Variants in ARHGAP15 observed in about 807,000 individuals in gnomAD.
ARHGAP15 encodes the protein rho GTPase-activating protein 15.
A neutral mutation model predicts 63.7 loss-of-function variants in ARHGAP15; 51 were observed. That is an observed-to-expected ratio of 0.80 (90% confidence interval 0.64 to 1.01). ARHGAP15 has a LOEUF of 1.01. ARHGAP15 is among the 50% of genes least tolerant of loss of function. The pLI, the probability that ARHGAP15 is intolerant of heterozygous loss-of-function variation, is 0.00. For synonymous variants in ARHGAP15, 191 were observed against 193.8 expected, an observed-to-expected ratio of 0.99 and a Z score of 0.12; for missense variants, 560 against 564.6, an observed-to-expected ratio of 0.99 and a Z score of 0.08.
chr2:143,275,336 A>G (rs77327764), intron 6 of ARHGAP15, among the ~76,000 whole-genome samples: 1 of 152,194 alleles, frequency 6.6e-6, no homozygotes, highest in Non-Finnish European at 1.5e-5. Context: ...TTGCCACACC[A>G]TCACGGAACT....
chr2:143,546,709 T>C (rs1472910570), intron 10 of ARHGAP15, among the ~76,000 whole-genome samples: 1 of 152,108 alleles, frequency 6.6e-6, no homozygotes, highest in Non-Finnish European at 1.5e-5. Context: ...CAAGTCATAC[T>C]ACCAAATGAA....
chr2:143,393,764 G>A (rs1321908576), intron 6 of ARHGAP15, among the ~76,000 whole-genome samples: 2 of 149,434 alleles, frequency 1.3e-5, no homozygotes, highest in African/African-American at 2.5e-5. Context: ...AGTGAAATTT[G>A]GAGGAAGGAC....
chr2:143,205,303 C>A (rs115268731), intron 3 of ARHGAP15, among the ~76,000 whole-genome samples: 1 of 146,316 alleles, frequency 6.8e-6, no homozygotes, highest in Non-Finnish European at 1.5e-5. Context: ...AATGAACAAA[C>A]AAGAAACCAC....
intron 12 of ARHGAP15, among the ~76,000 whole-genome samples, chr2:143,630,969 C>T (rs1699043205): frequency 6.6e-6 from 1 of 152,004 alleles, no homozygotes; most frequent in Non-Finnish European, 1.5e-5. Context: ...TGACAATTCT[C>T]TTTCCTTCCC....
chr2:143,246,333 T>C (rs2104962661), intron 5 of ARHGAP15, among the ~76,000 whole-genome samples: 1 of 152,060 alleles, frequency 6.6e-6, no homozygotes, highest in Admixed American at 6.5e-5. Flanking sequence ...TATTCATTTG[T>C]TTATTTGGAT....
intron 12 of ARHGAP15, among the ~76,000 whole-genome samples, chr2:143,698,828 G>C (rs1178703463): frequency 6.6e-6 from 1 of 152,098 alleles, no homozygotes; most frequent in Admixed American, 6.6e-5. Flanking sequence ...TTTTGTATAA[G>C]TCTCTTCACA....
At chr2:143,371,791 T>C (rs1360319156) in intron 6 of ARHGAP15, among the ~76,000 whole-genome samples, 1 of 152,210 alleles carries the variant, frequency 6.6e-6, no homozygotes, top group Admixed American at 6.5e-5. Context: ...TGTGTACTTC[T>C]AGTACATAAG....
chr2:143,624,179 T>C lies in ARHGAP15; in HGVS notation c.1050T>C (p.Val350=), dbSNP rs1249837520. The C allele has an allele frequency of 1.2e-6, 2 of 1,613,540 alleles. No homozygotes were observed. Among genetic ancestry groups the C allele is most frequent in the Non-Finnish European group, 1.7e-6 (2 of 1,179,766 alleles). ...LDDSQWEDIH[V]VTGALKMFFR... ...ACAGCCAGTGGGAGGACATCCACGT[T>C]GTCACCGGAGCACTGAAGATGTTTT... The change falls in exon 12 of 14, where the codon GTT becomes GTC. Residue 350 remains valine (V), a synonymous_variant. Transcript: ENST00000295095.
At chr2:143,678,923 A>G (rs938617641) in intron 12 of ARHGAP15, among the ~76,000 whole-genome samples, 1 of 152,180 alleles carries the variant, frequency 6.6e-6, no homozygotes, top group East Asian at 1.9e-4. Flanking sequence ...TACATTTTTT[A>G]GTGTTACTTA....
chr2:143,159,256 G>GA (rs1230678942), intron 2 of ARHGAP15, among the ~76,000 whole-genome samples: 1 of 151,758 alleles, frequency 6.6e-6, no homozygotes, highest in Admixed American at 6.6e-5. Context: ...TATATTATCA[G>GA]AAAAAAGAGG....
In ARHGAP15 at chr2:143,613,530, C is replaced by T. The variant is rs761566473; in HGVS notation, c.1004-10603C>T. On this transcript the variant is annotated intron_variant, in intron 11 of 13. Transcript: ENST00000295095. ...TACTAAAACACCATTGAAGTCTTAT[C>T]TCTGGTCAGATAATCCAAATGGATT... Among the ~76,000 whole-genome samples the T allele has an allele frequency of 1.4e-4, 21 of 152,174 alleles. 1 individual carries two copies. Among genetic ancestry groups the T allele is most frequent in the Non-Finnish European group, 2.6e-4 (18 of 68,032 alleles).
At chr2:143,536,659 T>A (rs896233047) in intron 10 of ARHGAP15, among the ~76,000 whole-genome samples, 4 of 152,026 alleles carry the variant, frequency 2.6e-5, no homozygotes, top group Admixed American at 6.6e-5. Context: ...TTGCTGAGAA[T>A]GATGGTTTCC....
At chr2:143,254,544 G>A (rs541948754) in intron 6 of ARHGAP15, among the ~76,000 whole-genome samples, 7 of 152,066 alleles carry the variant, frequency 4.6e-5, no homozygotes, top group Non-Finnish European at 7.4e-5. Context: ...AAGGAAGTTC[G>A]TGACATGGCT....
chr2:143,388,311 T>A lies in ARHGAP15; in HGVS notation c.475-47290T>A, dbSNP rs376454315. On this transcript the variant is annotated intron_variant, in intron 6 of 13. Transcript: ENST00000295095. ...CTTGATAAATAAGTTGCTAAAAGAA[T>A]TTTTCCCAAATTAGATATGAGCAAG... is the stretch of plus-strand genomic sequence containing the variant. 2.6e-5 allele frequency among the ~76,000 whole-genome samples: 4 copies of A among 152,288 alleles called. No individual in the cohort carries two copies. In the South Asian group the frequency reaches 8.3e-4, roughly 32 times the overall value.
At chr2:143,449,386 G>C (rs201800535) in intron 8 of ARHGAP15, among the ~76,000 whole-genome samples, 1 of 151,862 alleles carries the variant, frequency 6.6e-6, no homozygotes, top group African/African-American at 2.4e-5. Flanking sequence ...CTTCTTTTCG[G>C]AACACATAAT....
chr2:143,258,114 C>T (rs941040399), intron 6 of ARHGAP15, among the ~76,000 whole-genome samples: 1 of 151,962 alleles, frequency 6.6e-6, no homozygotes, highest in African/African-American at 2.4e-5. Context: ...TACAGCTTGT[C>T]CATAAGGATG....
At chr2:143,245,455 A>G (rs976234683) in intron 5 of ARHGAP15, among the ~76,000 whole-genome samples, 1 of 152,176 alleles carries the variant, frequency 6.6e-6, no homozygotes, top group Non-Finnish European at 1.5e-5. Context: ...AGAAAAGTCA[A>G]AGAAGGAAGT....
At chr2:143,723,579 GA>G (rs1443976842) in intron 13 of ARHGAP15, among the ~76,000 whole-genome samples, 1 of 152,202 alleles carries the variant, frequency 6.6e-6, no homozygotes, top group Admixed American at 6.5e-5. Context: ...ATAGATTAAA[GA>G]GAGTGGTGGT....
chr2:143,526,436 G>T (rs182540615), intron 10 of ARHGAP15, among the ~76,000 whole-genome samples: 1 of 152,078 alleles, frequency 6.6e-6, no homozygotes, highest in Non-Finnish European at 1.5e-5. Context: ...CTTTTCCCTT[G>T]GAGTCAGTTG....
Sources: allele counts gnomAD v4.1 joint callset (sites outside exome capture counted in the v4.1 genomes callset), GRCh38; gene constraint gnomAD v4.1.1; transcripts MANE v1.5; gene names NCBI Gene and HGNC (gene_info 2026-07-23, HGNC 2026-07-21).